Variants in RGS7 observed in about 807,000 individuals in gnomAD.
RGS7 encodes the protein regulator of G-protein signaling 7.
RGS7 carries 27 observed loss-of-function variants against 81.1 expected under a neutral mutation model. That is an observed-to-expected ratio of 0.33 (90% CI 0.25 to 0.46). The LOEUF (loss-of-function observed/expected upper bound fraction) is 0.46, where lower values mean the gene tolerates loss of function less well. RGS7 is among the 20% of genes least tolerant of loss of function. The pLI is 1.00. For missense variants in RGS7, 396 were observed against 607.4 expected, an observed-to-expected ratio of 0.65 and a Z score of 3.66; for synonymous variants, 208 against 207.7, an observed-to-expected ratio of 1.00 and a Z score of -0.01.
rs73130936 is a variant in RGS7 at position 241,194,161 on chromosome 1, G to T, written c.79-95399C>A. On this transcript the variant is annotated intron_variant, in intron 2 of 18. Transcript: ENST00000440928. ...AAATTTTTTCTTCTTCTAACTTTAT[G>T]TCCTAATTTTCTTTACTTAATTTTG... is the stretch of plus-strand genomic sequence containing the variant. Among the ~76,000 whole-genome samples the T allele has an allele frequency of 2.0e-3, 302 of 152,028 alleles. 2 individuals carry two copies. The highest frequency in any genetic ancestry group is 6.8e-3 in the Middle Eastern group (2 of 294).
intron 4 of RGS7, among the ~76,000 whole-genome samples, chr1:240,941,703 T>C (rs1677605075): frequency 6.6e-6 from 1 of 151,892 alleles, no homozygotes. Flanking sequence ...GACAGACTTG[T>C]TTATTGTTAG....
intron 2 of RGS7, among the ~76,000 whole-genome samples, chr1:241,102,569 T>A (rs890699238): frequency 1.3e-5 from 2 of 152,254 alleles, no homozygotes; most frequent in Non-Finnish European, 2.9e-5. Flanking sequence ...CTCTCTGGGA[T>A]GTCTGCTCCC....
chr1:240,962,073 C>A (rs1681544246), intron 4 of RGS7, among the ~76,000 whole-genome samples: 4 of 152,286 alleles, frequency 2.6e-5, no homozygotes, highest in African/African-American at 9.6e-5. Flanking sequence ...GTATTACACA[C>A]GTATGTTCCT....
chr1:240,813,762 T>G (rs1201295470), intron 12 of RGS7, 34 bp from the exon 13 acceptor site: 1 of 1,415,590 alleles, frequency 7.1e-7, no homozygotes, highest in Non-Finnish European at 1.0e-6. Context: ...TTTCTTTAGT[T>G]TTCTGACTGG....
chr1:240,989,875 G>A (rs752140043), intron 3 of RGS7, among the ~76,000 whole-genome samples: 20 of 152,166 alleles, frequency 1.3e-4, no homozygotes, highest in Non-Finnish European at 4.4e-5. Context: ...GGGAAAGGAT[G>A]TATTTAGGCC....
chr1:241,182,870 C>T (rs1464310363), intron 2 of RGS7, among the ~76,000 whole-genome samples: 3 of 151,384 alleles, frequency 2.0e-5, no homozygotes, highest in African/African-American at 7.3e-5. Context: ...GACAGGGTTT[C>T]ACCATGTTGG....
chr1:241,155,266 A>G (rs2069037971), intron 2 of RGS7, among the ~76,000 whole-genome samples: 1 of 152,120 alleles, frequency 6.6e-6, no homozygotes, highest in African/African-American at 2.4e-5. Flanking sequence ...AGGCCCAGCT[A>G]ATTTTTGTAT....
intron 9 of RGS7, among the ~76,000 whole-genome samples, chr1:240,856,408 C>G (rs989341721): frequency 6.6e-6 from 1 of 152,110 alleles, no homozygotes; most frequent in Admixed American, 6.6e-5. Flanking sequence ...TTCTCTTTAG[C>G]CTTTAGTGTG....
intron 2 of RGS7, among the ~76,000 whole-genome samples, chr1:241,205,551 C>T (rs1329892088): frequency 1.3e-5 from 2 of 151,988 alleles, no homozygotes; most frequent in South Asian, 4.2e-4. Context: ...GCCTCCACCC[C>T]CCAGGTTCAA....
chr1:240,869,616 T>C (rs1278172028), intron 7 of RGS7, among the ~76,000 whole-genome samples: 1 of 152,230 alleles, frequency 6.6e-6, no homozygotes, highest in Non-Finnish European at 1.5e-5. Flanking sequence ...CCCACTGTGA[T>C]GCCAGATCCC....
chr1:241,317,598 A>G (rs1039577630), intron 2 of RGS7, among the ~76,000 whole-genome samples: 7 of 152,210 alleles, frequency 4.6e-5, no homozygotes, highest in African/African-American at 1.7e-4. Context: ...ACCCATGGCA[A>G]TCAGGACTCC....
At chr1:240,823,929 C>T (rs1202637686) in intron 10 of RGS7, among the ~76,000 whole-genome samples, 1 of 151,140 alleles carries the variant, frequency 6.6e-6, no homozygotes, top group Non-Finnish European at 1.5e-5. Context: ...ACCGACAGTT[C>T]CCCTTCAAAC....
At chr1:241,189,492 G>A (rs2072421062) in intron 2 of RGS7, among the ~76,000 whole-genome samples, 1 of 152,094 alleles carries the variant, frequency 6.6e-6, no homozygotes, top group Non-Finnish European at 1.5e-5. Context: ...ACTTAACAAA[G>A]TCTTTCACAG....
At chr1:241,037,776 C>T (rs1271698185) in intron 3 of RGS7, among the ~76,000 whole-genome samples, 2 of 150,472 alleles carry the variant, frequency 1.3e-5, no homozygotes, top group African/African-American at 4.9e-5. Flanking sequence ...CCGTGGAACA[C>T]TACTCAGCCA....
intron 3 of RGS7, among the ~76,000 whole-genome samples, chr1:241,078,848 G>A (rs544543984): frequency 1.4e-4 from 22 of 152,222 alleles, no homozygotes; most frequent in African/African-American, 2.9e-4. Context: ...CAGGGCTGCC[G>A]TTTAAAATAT....
chr1:240,900,117 C>T (rs1288437946), intron 6 of RGS7, among the ~76,000 whole-genome samples: 1 of 152,138 alleles, frequency 6.6e-6, no homozygotes, highest in Non-Finnish European at 1.5e-5. Flanking sequence ...AGTTCTCATG[C>T]CACGGTTTTC....
chr1:240,862,095 A>G (rs1662313502), intron 9 of RGS7, among the ~76,000 whole-genome samples: 1 of 152,078 alleles, frequency 6.6e-6, no homozygotes, highest in East Asian at 1.9e-4. Context: ...GTTTCTGGCA[A>G]TTCTGTCTGG....
Position 241,274,512 on chromosome 1 carries a change from C to T in RGS7, c.78+81187G>A, listed in dbSNP as rs1229166462. On this transcript the variant is annotated intron_variant, in intron 2 of 18. Transcript: ENST00000440928. ...AATATTATTTATTACGATCTTATAA[C>T]ACTGATGCCTATCTGAATTGTGCAG... 2.0e-5 allele frequency among the ~76,000 whole-genome samples: 3 copies of T among 152,200 alleles called. 1 individual carries two copies. The highest frequency in any genetic ancestry group is 7.2e-5 in the African/African-American group (3 of 41,448).
At chr1:240,929,480 T>A (rs773523840) in intron 6 of RGS7, among the ~76,000 whole-genome samples, 1 of 134,608 alleles carries the variant, frequency 7.4e-6, no homozygotes, top group Non-Finnish European at 1.5e-5. Context: ...GTTTTTAGAT[T>A]TTTTTTTCAT....
Sources: gnomAD v4.1 joint callset for allele counts (sites outside exome capture counted in the v4.1 genomes callset) on GRCh38, gnomAD v4.1.1 for gene constraint, MANE v1.5 for transcripts, NCBI Gene and HGNC (gene_info 2026-07-23, HGNC 2026-07-21) for gene names.